The following ZBTB20 variants were observed in gnomAD, a reference collection of about 807,000 sequenced individuals.
ZBTB20 encodes zinc finger and BTB domain containing 20, also known as zinc finger and BTB domain-containing protein 20.
Under a neutral mutation model 56.9 loss-of-function variants are expected in ZBTB20, and 9 were observed. The observed-to-expected ratio is 0.16, with a 90% CI of 0.10 to 0.28. The LOEUF is 0.28. ZBTB20 is among the 10% of genes least tolerant of loss of function. The pLI is 1.00. For synonymous variants in ZBTB20, 417 were observed against 420.7 expected (o/e 0.99, Z 0.11); for missense variants, 655 against 1,003.0 (o/e 0.65, Z 4.69).
rs150153656 is a variant in ZBTB20 at position 114,598,685 on chromosome 3, A to C, written c.-295+94843T>G. Among the ~76,000 whole-genome samples the C allele has an allele frequency of 9.2e-3, 1,403 of 152,158 alleles. 27 individuals are homozygous for C. The highest frequency in any genetic ancestry group is 0.031 in the African/African-American group (1,278 of 41,532). ...TGCCAATAGGGATATCCGAGTGGTA[A>C]GGTTATGAGGAATTTTTTTCTCTTC... is the stretch of plus-strand genomic sequence containing the variant. On this transcript the variant is annotated intron_variant, in intron 6 of 11. Transcript: ENST00000675478.
chr3:115,020,608 G>T (rs2080164429), intron 2 of ZBTB20, among the ~76,000 whole-genome samples: 1 of 150,750 alleles, frequency 6.6e-6, no homozygotes, highest in Non-Finnish European at 1.5e-5. Context: ...CTTTTTTGAG[G>T]ATGATAAAAG....
intron 5 of ZBTB20, among the ~76,000 whole-genome samples, chr3:114,733,715 A>C (rs1180634853): frequency 6.6e-6 from 1 of 152,162 alleles, no homozygotes; most frequent in Non-Finnish European, 1.5e-5. Flanking sequence ...TAAACATGAC[A>C]TTTTGATATA....
At chr3:114,615,401 T>G (rs369787982) in intron 6 of ZBTB20, among the ~76,000 whole-genome samples, 1 of 152,158 alleles carries the variant, frequency 6.6e-6, no homozygotes, top group Non-Finnish European at 1.5e-5. Context: ...TACAGTACTA[T>G]TATTTTCACA....
intron 1 of ZBTB20, among the ~76,000 whole-genome samples, chr3:115,106,526 C>A (rs900476383): frequency 3.3e-5 from 5 of 152,050 alleles, no homozygotes; most frequent in Non-Finnish European, 5.9e-5. Context: ...AGCCACTGTG[C>A]CCGGCCAATT....
At chr3:114,924,550 G>T (rs2076081376) in intron 3 of ZBTB20, among the ~76,000 whole-genome samples, 1 of 152,068 alleles carries the variant, frequency 6.6e-6, no homozygotes, top group South Asian at 2.1e-4. Context: ...GATTGCCAGG[G>T]GATGGTGGTG....
intron 4 of ZBTB20, among the ~76,000 whole-genome samples, chr3:114,831,832 TTTTAA>T (rs1297031171): frequency 2.0e-5 from 3 of 152,050 alleles, no homozygotes; most frequent in Non-Finnish European, 4.4e-5. Context: ...TACCTCATCT[TTTTAA>T]ACAGAGGAAT....
At chr3:114,515,133 G>A (rs910792053) in intron 6 of ZBTB20, among the ~76,000 whole-genome samples, 12 of 152,132 alleles carry the variant, frequency 7.9e-5, no homozygotes, top group African/African-American at 1.7e-4. Context: ...GAGACCTGTC[G>A]CATAAGACTT....
intron 3 of ZBTB20, among the ~76,000 whole-genome samples, chr3:114,943,746 A>T (rs1228926267): frequency 1.4e-5 from 2 of 145,000 alleles, no homozygotes; most frequent in Non-Finnish European, 1.5e-5. Context: ...ATGTTTTAAC[A>T]TACAAATATC....
intron 4 of ZBTB20, among the ~76,000 whole-genome samples, chr3:114,880,057 C>T (rs1012252144): frequency 3.9e-5 from 6 of 152,062 alleles, no homozygotes; most frequent in Non-Finnish European, 8.8e-5. Flanking sequence ...AGTTAATGTA[C>T]CCTGAATGTT....
At chr3:114,788,206 T>C (rs555627793) in intron 5 of ZBTB20, among the ~76,000 whole-genome samples, 1 of 152,302 alleles carries the variant, frequency 6.6e-6, no homozygotes, top group East Asian at 1.9e-4. Flanking sequence ...GTAAAATATA[T>C]ATTAAAAATT....
intron 4 of ZBTB20, among the ~76,000 whole-genome samples, chr3:114,886,214 T>A (rs2076593923): frequency 6.6e-6 from 1 of 152,240 alleles, no homozygotes; most frequent in Non-Finnish European, 1.5e-5. Context: ...TTTAGTCCTG[T>A]GTCAGCCATT....
intron 6 of ZBTB20, among the ~76,000 whole-genome samples, chr3:114,623,690 G>A (rs2058474604): frequency 6.6e-6 from 1 of 152,194 alleles, no homozygotes; most frequent in African/African-American, 2.4e-5. Context: ...TGAGCATAAT[G>A]TAAATACTCA....
chr3:114,405,170 G>A (rs1264787083), intron 7 of ZBTB20, among the ~76,000 whole-genome samples: 1 of 152,016 alleles, frequency 6.6e-6, no homozygotes, highest in Non-Finnish European at 1.5e-5. Context: ...ATGTACGGGA[G>A]GAATTGTGTT....
intron 1 of ZBTB20, among the ~76,000 whole-genome samples, chr3:115,127,939 G>C (rs1214754765): frequency 6.6e-6 from 1 of 152,148 alleles, no homozygotes; most frequent in East Asian, 1.9e-4. Flanking sequence ...TTGGTTTCTT[G>C]AGGATTAAAA....
chr3:114,634,490 A>G lies in ZBTB20; in HGVS notation c.-295+59038T>C, dbSNP rs183779057. 8.5e-5 allele frequency among the ~76,000 whole-genome samples: 13 copies of G among 152,286 alleles called. No individual in the cohort carries two copies. In the East Asian group the frequency reaches 1.7e-3, roughly 20 times the overall value. On this transcript the variant is annotated intron_variant, in intron 6 of 11. Transcript: ENST00000675478. ...TGGCATATTTTTTTCAAGTAAAATT[A>G]ATGTCTTAACAAATAATAGGGGTGA... is the stretch of plus-strand genomic sequence containing the variant.
chr3:114,622,935 G>C (rs956328680), intron 6 of ZBTB20, among the ~76,000 whole-genome samples: 1 of 152,194 alleles, frequency 6.6e-6, no homozygotes, highest in African/African-American at 2.4e-5. Flanking sequence ...TTCAGCCTAT[G>C]AGAACCATAT....
At chr3:115,097,664 T>C (rs977190363) in intron 1 of ZBTB20, among the ~76,000 whole-genome samples, 4 of 152,114 alleles carry the variant, frequency 2.6e-5, no homozygotes, top group Non-Finnish European at 5.9e-5. Flanking sequence ...TGAAACACAC[T>C]GTGACCTGAC....
At chr3:114,944,788 C>A (rs554988018) in intron 3 of ZBTB20, among the ~76,000 whole-genome samples, 1 of 145,212 alleles carries the variant, frequency 6.9e-6, no homozygotes, top group Non-Finnish European at 1.5e-5. Context: ...GCCATAGATA[C>A]AGGGAGTAAA....
At chr3:114,453,946 G>A (rs1294163786) in intron 7 of ZBTB20, among the ~76,000 whole-genome samples, 1 of 88,854 alleles carries the variant, frequency 1.1e-5, no homozygotes, top group African/African-American at 4.8e-5. Flanking sequence ...CCTTCCCTTT[G>A]TAAAGAACTC....
Sources: allele counts gnomAD v4.1 joint callset (sites outside exome capture counted in the v4.1 genomes callset), GRCh38; gene constraint gnomAD v4.1.1; transcripts MANE v1.5; gene names NCBI Gene and HGNC (gene_info 2026-07-23, HGNC 2026-07-21).